HCRTR2: variants seen among roughly 807,000 people sequenced by gnomAD.
HCRTR2 encodes the protein hypocretin receptor 2, also known as orexin receptor type 2.
HCRTR2 carries 22 observed loss-of-function variants against 49.0 expected under a neutral mutation model. The observed-to-expected ratio is 0.45, with a 90% CI of 0.32 to 0.64. The LOEUF (loss-of-function observed/expected upper bound fraction) is 0.64, where lower values mean the gene tolerates loss of function less well. Among genes scored for constraint, HCRTR2 ranks in the 30% least tolerant of loss-of-function variants. The probability of loss-of-function intolerance (pLI) is 0.04; values close to 1 mark genes in which losing one functional copy is unlikely to be tolerated. For synonymous variants in HCRTR2, 236 were observed against 205.3 expected, an observed-to-expected ratio of 1.15 and a Z score of -1.28; for missense variants, 491 against 559.4, an observed-to-expected ratio of 0.88 and a Z score of 1.23.
chr6:55,236,806 A>G (rs1433834436), intron 1 of HCRTR2, among the ~76,000 whole-genome samples: 1 of 152,154 alleles, frequency 6.6e-6, no homozygotes, highest in Non-Finnish European at 1.5e-5. Context: ...GTTGAAATTT[A>G]TAGCACTTCT....
intron 1 of HCRTR2, among the ~76,000 whole-genome samples, chr6:55,231,836 G>T (rs1766120655): frequency 6.6e-6 from 1 of 152,036 alleles, no homozygotes. Flanking sequence ...ACATTTTGTT[G>T]TTGCTCTAAA....
At chr6:55,273,429 A>C (rs1240769489) in intron 4 of HCRTR2, among the ~76,000 whole-genome samples, 1 of 151,968 alleles carries the variant, frequency 6.6e-6, no homozygotes, top group East Asian at 1.9e-4. Flanking sequence ...GCATCATCCA[A>C]ACTCTCAGAC....
chr6:55,131,998 T>G (rs1023601923), intron 1 of HCRTR2, among the ~76,000 whole-genome samples: 1 of 151,784 alleles, frequency 6.6e-6, no homozygotes, highest in Non-Finnish European at 1.5e-5. Flanking sequence ...AAATTCATAC[T>G]CTCAGCAAGG....
rs540224044 is a variant in HCRTR2, at chr6:55,218,084, T to C, written c.224-30555T>C. ...TCACATGCTAAAAGAGCAAGAACAA[T>C]AGCCAAACTGGATTTTATAACAGAC... On this transcript the variant is annotated intron_variant, in intron 1 of 6. Coordinates refer to ENST00000370862, the MANE Select transcript of HCRTR2 (RefSeq NM_001384272.1). Among the ~76,000 whole-genome samples the C allele has an allele frequency of 1.0e-3, 155 of 152,282 alleles. 1 individual carries two copies. The highest frequency in any genetic ancestry group is 3.6e-3 in the African/African-American group (149 of 41,562).
intron 4 of HCRTR2, among the ~76,000 whole-genome samples, chr6:55,270,984 C>A (rs960870209): frequency 6.6e-6 from 1 of 152,030 alleles, no homozygotes; most frequent in African/African-American, 2.4e-5. Flanking sequence ...CAAATTAATC[C>A]ATGAATTCAA....
intron 1 of HCRTR2, among the ~76,000 whole-genome samples, chr6:55,218,622 G>A (rs1425365224): frequency 3.9e-5 from 6 of 152,126 alleles, no homozygotes; most frequent in South Asian, 2.1e-4. Flanking sequence ...TACTTATATC[G>A]GACAAATAAA....
chr6:55,172,007 G>A (rs918721678), upstream of HCRTR2, among the ~76,000 whole-genome samples: 3 of 152,154 alleles, frequency 2.0e-5, no homozygotes, highest in African/African-American at 4.8e-5. Context: ...GTAAAATGCA[G>A]ATGTTAATAA....
At chr6:55,210,320 C>T (rs1274795728) in intron 1 of HCRTR2, among the ~76,000 whole-genome samples, 1 of 151,924 alleles carries the variant, frequency 6.6e-6, no homozygotes, top group Non-Finnish European at 1.5e-5. Context: ...GATTTTCTTC[C>T]TAGCTTAGAT....
intron 1 of HCRTR2, among the ~76,000 whole-genome samples, chr6:55,181,919 A>C (rs1272675088): frequency 2.6e-5 from 4 of 152,224 alleles, no homozygotes; most frequent in Non-Finnish European, 4.4e-5. Context: ...TTACAGTAAG[A>C]GTTTATTCTT....
intron 1 of HCRTR2, among the ~76,000 whole-genome samples, chr6:55,134,319 C>G (rs1233892852): frequency 6.6e-6 from 1 of 151,660 alleles, no homozygotes; most frequent in Non-Finnish European, 1.5e-5. Context: ...TTATATTTGT[C>G]ATTATTTATT....
intron 1 of HCRTR2, among the ~76,000 whole-genome samples, chr6:55,217,663 A>G (rs3134710): frequency 4.6e-5 from 7 of 151,874 alleles, no homozygotes; most frequent in Admixed American, 1.3e-4. Context: ...ATTGTCTATA[A>G]GTTTACTAGT....
intron 1 of HCRTR2, among the ~76,000 whole-genome samples, chr6:55,243,238 G>A (rs568342202): frequency 1.3e-5 from 2 of 152,292 alleles, no homozygotes; most frequent in East Asian, 1.9e-4. Flanking sequence ...CTTGCCTTCT[G>A]CTATCCTCTT....
chr6:55,144,475 G>T (rs1284963931), intron 1 of HCRTR2, among the ~76,000 whole-genome samples: 1 of 151,996 alleles, frequency 6.6e-6, no homozygotes, highest in Non-Finnish European at 1.5e-5. Flanking sequence ...AATATTGGTG[G>T]TCTACAGCAG....
At chr6:55,214,521 C>T (rs1024038649) in intron 1 of HCRTR2, among the ~76,000 whole-genome samples, 25 of 150,984 alleles carry the variant, frequency 1.7e-4, no homozygotes, top group Non-Finnish European at 7.4e-5. Flanking sequence ...TATTTTTTTT[C>T]GTAGAGATGT....
chr6:55,199,913 C>T (rs1174871244), intron 1 of HCRTR2, among the ~76,000 whole-genome samples: 1 of 152,078 alleles, frequency 6.6e-6, no homozygotes, highest in Admixed American at 6.6e-5. Flanking sequence ...ATCAATGTGC[C>T]CAGTACCTGA....
At chr6:55,232,169 A>G (rs896236343) in intron 1 of HCRTR2, among the ~76,000 whole-genome samples, 2 of 152,192 alleles carry the variant, frequency 1.3e-5, no homozygotes, top group African/African-American at 2.4e-5. Context: ...CTCTTTGTCA[A>G]TGTGAGACTA....
chr6:55,165,053 A>C (rs1764857387), intron 1 of HCRTR2, among the ~76,000 whole-genome samples: 1 of 152,224 alleles, frequency 6.6e-6, no homozygotes, highest in Admixed American at 6.5e-5. Flanking sequence ...TCTTACCAGC[A>C]GAATTGATCC....
intron 4 of HCRTR2, among the ~76,000 whole-genome samples, chr6:55,267,612 A>G (rs1199068759): frequency 2.6e-5 from 4 of 152,116 alleles, no homozygotes; most frequent in Non-Finnish European, 5.9e-5. Context: ...TTTATTAAGC[A>G]CGTACTCTGT....
chr6:55,168,937 C>T lies in HCRTR2; in HGVS notation c.-377-5274C>T, dbSNP rs142892248. On this transcript the variant is annotated intron_variant, in intron 1 of 7. Coordinates refer to the HCRTR2 transcript ENST00000615358. ...TGTCTCACAAAAAGTTACTTACTTC[C>T]GTCTGGCACCAACTCCCTCTCTCAC... Among the ~76,000 whole-genome samples the T allele has an allele frequency of 5.5e-3, 836 of 152,102 alleles. 8 individuals are homozygous for T. Among genetic ancestry groups the T allele is most frequent in the Non-Finnish European group, 7.0e-3 (478 of 68,008 alleles).
Sources: gnomAD v4.1 joint callset for allele counts (sites outside exome capture counted in the v4.1 genomes callset) on GRCh38, gnomAD v4.1.1 for gene constraint, MANE v1.5 for transcripts, NCBI Gene and HGNC (gene_info 2026-07-23, HGNC 2026-07-21) for gene names.